The following BCAS4 variants were observed in gnomAD, a reference collection of about 807,000 sequenced individuals.
The protein encoded by BCAS4 is breast carcinoma amplified sequence 4.
BCAS4 carries 9 observed loss-of-function variants against 15.7 expected under a neutral mutation model. The ratio of observed to expected loss-of-function variants is 0.57; its 90% CI spans 0.34 to 1.00. The LOEUF is 1.00. Among genes scored for constraint, BCAS4 ranks in the 50% least tolerant of loss-of-function variants. The probability of loss-of-function intolerance (pLI) is 0.02; values close to 1 mark genes in which losing one functional copy is unlikely to be tolerated. For synonymous variants in BCAS4, 101 were observed against 99.5 expected, an observed-to-expected ratio of 1.02 and a Z score of -0.09; for missense variants, 225 against 239.1, an observed-to-expected ratio of 0.94 and a Z score of 0.39.
At chr20:50,869,513 G>A (rs1979526882) in intron 4 of BCAS4, among the ~76,000 whole-genome samples, 1 of 152,158 alleles carries the variant, frequency 6.6e-6, no homozygotes, top group African/African-American at 2.4e-5. Context: ...GACTGGCTGG[G>A]GCTGCAGTGG....
Position 50,830,268 on chromosome 20 carries a change from G to T in BCAS4, c.163-11G>T, listed in dbSNP as rs1456829997. 2.5e-6 allele frequency: 4 copies of T among 1,610,716 alleles called. No homozygotes were observed. The highest frequency in any genetic ancestry group is 1.7e-5 in the Admixed American group (1 of 60,002). ...GGCAGAAGGCCTGATGAGCTGTTTT[G>T]TTCCTTGCAGATCAGGAGTGATACT... On this transcript the variant is annotated splice_polypyrimidine_tract_variant and intron_variant, in intron 2 of 4. Transcript: ENST00000371608.
chr20:50,875,045 T>G (rs1441817759), intron 4 of BCAS4, among the ~76,000 whole-genome samples: 2 of 145,084 alleles, frequency 1.4e-5, no homozygotes, highest in Non-Finnish European at 3.1e-5. Flanking sequence ...GCCCTCTCCT[T>G]CTTCTGGTGC....
At chr20:50,799,013 C>T (rs2087898109) in intron 1 of BCAS4, among the ~76,000 whole-genome samples, 2 of 152,150 alleles carry the variant, frequency 1.3e-5, no homozygotes, top group South Asian at 4.1e-4. Context: ...CTGGGGGAGG[C>T]TCCACGCTCC....
chr20:50,877,475 G>C (rs982942285), downstream of BCAS4: 6 of 152,206 alleles, frequency 3.9e-5, no homozygotes, highest in Non-Finnish European at 8.8e-5. Context: ...ACCTGCAATG[G>C]GTATTTCTGG....
At chr20:50,873,250 A>G (rs187942288) in intron 4 of BCAS4, among the ~76,000 whole-genome samples, 1 of 152,138 alleles carries the variant, frequency 6.6e-6, no homozygotes. Flanking sequence ...GAGGGAGGAG[A>G]CAGAAACTCC....
rs192481592 is a variant in BCAS4 at position 50,819,677 on chromosome 20, G to A, written c.162+1395G>A. ...TTTCTTCTCTTGAGTCAATTTTTAC[G>A]TTCAGATGTGGGTCCAGGTGGGAGC... On this transcript the variant is annotated intron_variant, in intron 2 of 4. Transcript: ENST00000371608. Among the ~76,000 whole-genome samples the A allele has an allele frequency of 2.7e-3, 415 of 152,202 alleles. 1 individual carries two copies. Among genetic ancestry groups the A allele is most frequent in the Non-Finnish European group, 4.2e-3 (286 of 68,020 alleles).
intron 4 of BCAS4, among the ~76,000 whole-genome samples, chr20:50,857,853 T>C (rs562281256): frequency 6.6e-6 from 1 of 152,336 alleles, no homozygotes; most frequent in East Asian, 1.9e-4. Flanking sequence ...CTGTTGAGAA[T>C]GTCCATGGTG....
At chr20:50,872,247 G>C (rs1024964157) in intron 4 of BCAS4, among the ~76,000 whole-genome samples, 1 of 124,896 alleles carries the variant, frequency 8.0e-6, no homozygotes, top group Admixed American at 9.6e-5. Context: ...CTGGGCAACA[G>C]AGCGAGACTC....
rs1978433114 is a variant in BCAS4 at position 50,851,707 on chromosome 20, GTT to G, written c.399+9808_399+9809del. Among the ~76,000 whole-genome samples, 1 of 152,152 alleles carries G rather than the reference GTT, an allele frequency of 6.6e-6. No homozygotes were observed. The highest frequency in any genetic ancestry group is 1.5e-5 in the Non-Finnish European group (1 of 68,036). On this transcript the variant is annotated intron_variant, in intron 4 of 4. Coordinates refer to ENST00000371608, the MANE Select transcript of BCAS4 (RefSeq NM_198799.4). The surrounding 1 kb of genome is among the most constrained non-coding windows in gnomAD (Gnocchi z 4.3). Reference sequence around the variant, plus strand: ...GGCCCAGCCCTGCCATCCTGGGGTTGTTGGACATTGTTTGCGGCCTTTGCACA... The same window carrying G: ...GGCCCAGCCCTGCCATCCTGGGGTTGGGACATTGTTTGCGGCCTTTGCACA...
intron 3 of BCAS4, among the ~76,000 whole-genome samples, chr20:50,830,653 C>A (rs1024064239): frequency 6.6e-6 from 1 of 152,146 alleles, no homozygotes; most frequent in Non-Finnish European, 1.5e-5. Context: ...AGTTTGAGAC[C>A]AGCCTGGGCA....
At chr20:50,881,222 C>G (rs183560246), downstream of BCAS4, 1 of 152,062 alleles carries the variant, frequency 6.6e-6, no homozygotes, top group East Asian at 1.9e-4. Flanking sequence ...AAAGTGTTAC[C>G]CTGTCTTAGA....
chr20:50,859,188 C>T (rs144237925), intron 4 of BCAS4, among the ~76,000 whole-genome samples: 296 of 152,232 alleles, frequency 1.9e-3, no homozygotes, highest in African/African-American at 6.7e-3. Flanking sequence ...GTGATCCTTC[C>T]GCCTTGACCT....
chr20:50,877,057 T>A lies in BCAS4; in HGVS notation c.*449T>A, dbSNP rs1287985438. The A allele has an allele frequency of 6.4e-6, 1 of 155,408 alleles. No homozygotes were observed. The highest frequency in any genetic ancestry group is 1.4e-5 in the Non-Finnish European group (1 of 70,394). The allele number at this position is 155,408 out of a possible 1,614,324, so 9.6% of individuals were successfully genotyped here. ...GGCTCCATGGTCCTTCTCTCTGTGA[T>A]GGGTTTTTGCACGGGGTGTGCTCTG... On this transcript the variant is annotated 3_prime_UTR_variant, in exon 5 of 5. Transcript: ENST00000371608.
intron 4 of BCAS4, among the ~76,000 whole-genome samples, chr20:50,867,666 C>A (rs967864269): frequency 6.6e-6 from 1 of 152,186 alleles, no homozygotes; most frequent in Non-Finnish European, 1.5e-5. Context: ...GTAACCCCAG[C>A]ACTTTGGGAG....
intron 1 of BCAS4, among the ~76,000 whole-genome samples, chr20:50,813,157 T>C (rs1213303330): frequency 1.3e-5 from 2 of 152,170 alleles, no homozygotes; most frequent in African/African-American, 4.8e-5. Context: ...TGGCCATAAG[T>C]TGACTCTGTG....
In BCAS4 at chr20:50,811,405, T is replaced by C. The variant is rs114206483; in HGVS notation, c.91-6806T>C. ...GGTATATAATTCATGTATAAATGTA[T>C]GATTTTAAAGTATATAGTTTGTTGG... On this transcript the variant is annotated intron_variant, in intron 1 of 4. Transcript: ENST00000371608. 6.4e-3 allele frequency among the ~76,000 whole-genome samples: 977 copies of C among 152,258 alleles called. 13 individuals are homozygous for C. The highest frequency in any genetic ancestry group is 0.023 in the African/African-American group (940 of 41,540).
chr20:50,831,295 G>GAC (rs1393604583), intron 3 of BCAS4, among the ~76,000 whole-genome samples: 2 of 152,014 alleles, frequency 1.3e-5, no homozygotes, highest in African/African-American at 4.8e-5. Flanking sequence ...CGGGCGTGGT[G>GAC]ACACACACTG....
Position 50,876,838 on chromosome 20 carries a change from C to T in BCAS4, c.*230C>T. ...GGATTATGGGCAGGAGCCTCCGTGC[C>T]CAGGCTGCTGCCATTTTCAAATTTC... is the stretch of plus-strand genomic sequence containing the variant. On this transcript the variant is annotated 3_prime_UTR_variant, in exon 5 of 5. Coordinates refer to ENST00000371608, the MANE Select transcript of BCAS4 (RefSeq NM_198799.4). The T allele has an allele frequency of 2.6e-6, 1 of 386,922 alleles. No individual in the cohort carries two copies. The highest frequency in any genetic ancestry group is 4.2e-6 in the Non-Finnish European group (1 of 235,966). The allele number at this position is 386,922 out of a possible 1,614,324, so 24.0% of individuals were successfully genotyped here. A position where few individuals can be genotyped will look rare whatever the true frequency, so the allele number is the denominator to read the frequency against.
At chr20:50,876,334 C>T in intron 4 of BCAS4, 152 bp from the exon 5 acceptor site, 1 of 1,007,434 alleles carries the variant, frequency 9.9e-7, no homozygotes, top group Non-Finnish European at 1.4e-6. Context: ...GGGTGGCCGG[C>T]TTTGGCTGTC....
Sources: gnomAD v4.1 joint callset for allele counts (sites outside exome capture counted in the v4.1 genomes callset) on GRCh38, gnomAD v4.1.1 for gene constraint, Gnocchi (gnomAD v3.1) non-coding constraint, MANE v1.5 for transcripts, NCBI Gene and HGNC (gene_info 2026-07-23, HGNC 2026-07-21) for gene names.